Variants in SON observed in about 807,000 individuals in gnomAD.
The protein encoded by SON is protein SON.
Under a neutral mutation model 173.3 loss-of-function variants are expected in SON, and 4 were observed. The ratio of observed to expected loss-of-function variants is 0.02; its 90% CI spans 0.01 to 0.05. The LOEUF (loss-of-function observed/expected upper bound fraction) is 0.05, where lower values mean the gene tolerates loss of function less well. Among genes scored for constraint, SON ranks in the 10% least tolerant of loss-of-function variants. The pLI is 1.00. For synonymous variants in SON, 1,190 were observed against 1,105.9 expected (o/e 1.08, Z -1.51); for missense variants, 2,626 against 3,055.3 (o/e 0.86, Z 3.31).
chr21:33,551,206 G>T lies in SON; in HGVS notation c.1975G>T (p.Val659Leu), dbSNP rs752336073. The T allele has an allele frequency of 2.4e-5, 38 of 1,614,012 alleles. No homozygotes were observed. The highest frequency in any genetic ancestry group is 3.2e-5 in the Non-Finnish European group (38 of 1,180,004). Residue 659 changes from valine (V) to leucine (L), a missense_variant, in exon 3 of 12, where the codon GTG becomes TTG. Physicochemically the swap from Val to Leu is conservative, Grantham distance 32. Around this residue, in one of 13 missense-constraint regions of SON, gnomAD observed 182 missense variants for 193.6 expected, o/e 0.94. Transcript: ENST00000356577. ...GCTGGAGATCTCTGTTCAGTCTGTGGTGACAACATCGGAGCTGTCAACGAT... is the reference window on the plus strand; with the variant it reads ...GCTGGAGATCTCTGTTCAGTCTGTGTTGACAACATCGGAGCTGTCAACGAT... ...VALEISVQSV[V>L]TTSELSTMTV... is the part of the protein sequence containing the mutation.
In SON at chr21:33,559,606, C is replaced by G. The variant is rs201256400; in HGVS notation, c.6488C>G (p.Thr2163Ser). The G allele has an allele frequency of 8.7e-6, 14 of 1,610,390 alleles. No individual in the cohort carries two copies. The highest frequency in any genetic ancestry group is 1.3e-5 in the African/African-American group (1 of 74,676). ...FNLNIAAAKP[T>S]PPKSQVTLTK... is the part of the protein sequence containing the mutation. ...TTTTAGATTGCTGCAGCAAAACCAA[C>G]TCCACCAAAAAGCCAGGTAACATTA... Residue 2163 changes from threonine (T) to serine (S), a missense_variant, in exon 6 of 12, where the codon ACT becomes AGT. This residue lies in a region of SON where 75 missense variants were observed against 201.6 expected (regional missense o/e 0.37). Coordinates refer to ENST00000356577, the MANE Select transcript of SON (RefSeq NM_138927.4). This position sits in a 1 kb window ranked among gnomAD's most constrained non-coding sequence, Gnocchi z 4.1.
chr21:33,573,240 A>C (rs1001117017), intron 8 of SON, 68 bp from the exon 9 acceptor site: 4 of 1,320,586 alleles, frequency 3.0e-6, no homozygotes, highest in South Asian at 2.6e-5. Context: ...TTTAGAAAGT[A>C]AACAATGAAT....
At chr21:33,556,711 CAAA>C (rs375685900) in intron 3 of SON, among the ~76,000 whole-genome samples, 16 of 102,626 alleles carry the variant, frequency 1.6e-4, no homozygotes, top group South Asian at 3.1e-4. Context: ...GAGACTGTCT[CAAA>C]AAAAAAAAAA....
chr21:33,561,334 G>A (rs1392287940), intron 6 of SON, among the ~76,000 whole-genome samples: 2 of 152,148 alleles, frequency 1.3e-5, no homozygotes, highest in African/African-American at 2.4e-5. Flanking sequence ...TAATCTTCTT[G>A]TAGTAGCTGA....
intron 1 of SON, among the ~76,000 whole-genome samples, chr21:33,544,960 G>A (rs1485563152): frequency 6.6e-6 from 1 of 152,134 alleles, no homozygotes; most frequent in Non-Finnish European, 1.5e-5. Context: ...CACATAATGC[G>A]TTATCAGTCT....
chr21:33,551,223 G>T lies in SON; in HGVS notation c.1992G>T (p.Leu664=). 1.9e-6 allele frequency: 3 copies of T among 1,614,168 alleles called. No individual in the cohort carries two copies. In the South Asian group the frequency reaches 3.3e-5, roughly 18 times the overall value. Residue 664 remains leucine (L), a synonymous_variant, in exon 3 of 12, where the codon CTG becomes CTT. Transcript: ENST00000356577. ...SVQSVVTTSE[L]STMTVSQSLE... is the part of the protein sequence containing the mutation. ...AGTCTGTGGTGACAACATCGGAGCT[G>T]TCAACGATGACCGTGTCGCAGTCCC...
At chr21:33,543,198 C>T (rs925782484) in intron 1 of SON, 29 bp downstream of exon 1, 8 of 1,570,046 alleles carry the variant, frequency 5.1e-6, no homozygotes, top group Non-Finnish European at 7.0e-6. Flanking sequence ...CTTCTGCTCC[C>T]AACGGACCGT....
Position 33,549,983 on chromosome 21 carries a change from C to T in SON, c.752C>T (p.Pro251Leu). 1 of 1,614,104 alleles carries T rather than the reference C, an allele frequency of 6.2e-7. No homozygotes were observed. The highest frequency in any genetic ancestry group is 8.5e-7 in the Non-Finnish European group (1 of 1,180,016). The stretch of plus-strand genomic sequence containing the variant: ...GATTCCTTTGCAGCAGCACCAGTGC[C>T]TACTACAACACTGGTGTTGAAGTCA... Reference protein sequence around the residue: ...ILDSFAAAPVPTTTLVLKSSE... With the variant: ...ILDSFAAAPVLTTTLVLKSSE... The change falls in exon 3 of 12, where the codon CCT becomes CTT. Residue 251 changes from proline (P) to leucine (L), a missense_variant. By Grantham distance (98) the Pro-to-Leu change is moderately conservative. Coordinates refer to ENST00000356577, the MANE Select transcript of SON (RefSeq NM_138927.4).
intron 8 of SON, among the ~76,000 whole-genome samples, chr21:33,570,837 A>C (rs2086268512): frequency 6.6e-6 from 1 of 152,214 alleles, no homozygotes; most frequent in South Asian, 2.1e-4. Context: ...ATGTGCTTCC[A>C]TTACAAAATT....
intron 4 of SON, chr21:33,557,693 GAC>G: frequency 6.9e-7 from 1 of 1,454,994 alleles, no homozygotes; most frequent in East Asian, 2.5e-5. Context: ...TATACGCAAA[GAC>G]ACAGACAATC....
rs371258902 is a variant in SON, at chr21:33,551,908, G to A, written c.2677G>A (p.Ala893Thr). ...AQMLASGTMD[A>T]QMLASSTQDS... The stretch of plus-strand genomic sequence containing the variant: ...GATGTTAGCGTCTGGTACCATGGAT[G>A]CCCAGATGTTAGCGTCTAGTACCCA... Residue 893 changes from alanine (A) to threonine (T), a missense_variant, in exon 3 of 12, where the codon GCC becomes ACC. Physicochemically the swap from Ala to Thr is moderately conservative, Grantham distance 58. Transcript: ENST00000356577. 14 of 1,613,670 alleles carry A rather than the reference G, an allele frequency of 8.7e-6. No homozygotes were observed. Among genetic ancestry groups the A allele is most frequent in the Non-Finnish European group, 1.2e-5 (14 of 1,179,762 alleles).
intron 11 of SON, among the ~76,000 whole-genome samples, chr21:33,576,159 C>T (rs535197461): frequency 1.1e-4 from 16 of 147,578 alleles, no homozygotes; most frequent in African/African-American, 3.8e-4. Context: ...ATACTTTTGT[C>T]AGTCTTTTTC....
chr21:33,552,595 C>A lies in SON; in HGVS notation c.3364C>A (p.Arg1122Ser), dbSNP rs767697655. ...TATGATGTCATCTTATACTGCTGATCGTTCAATGATGTCTATGGCTGCTGA... is the reference window on the plus strand; with the variant it reads ...TATGATGTCATCTTATACTGCTGATAGTTCAATGATGTCTATGGCTGCTGA... ...RSMMSSYTADRSMMSMAADSY... is the reference protein window; with the variant it reads ...RSMMSSYTADSSMMSMAADSY... The change falls in exon 3 of 12, where the codon CGT becomes AGT. Residue 1122 changes from arginine to serine, a missense_variant. Transcript: ENST00000356577. This position sits in a 1 kb window ranked among gnomAD's most constrained non-coding sequence, Gnocchi z 5.6. The A allele has an allele frequency of 1.2e-6, 2 of 1,613,978 alleles. No homozygotes were observed. Among genetic ancestry groups the A allele is most frequent in the East Asian group, 2.2e-5 (1 of 44,902 alleles).
chr21:33,574,307 A>C (rs1021226912), intron 9 of SON, among the ~76,000 whole-genome samples: 2 of 152,226 alleles, frequency 1.3e-5, no homozygotes, highest in Non-Finnish European at 2.9e-5. Flanking sequence ...AGCTAACTTC[A>C]ATAGTTAAAC....
At position 33,553,378 on chromosome 21, in the gene SON, G is replaced by C. The variant is rs1033815129; in HGVS notation, c.4147G>C (p.Val1383Leu). The change falls in exon 3 of 12, where the codon GTC (valine) becomes CTC (leucine). Residue 1383 changes from valine to leucine, a missense_variant. Physicochemically the swap from Val to Leu is conservative, Grantham distance 32. Around this residue, in one of 13 missense-constraint regions of SON, gnomAD observed 1,006 missense variants for 895.6 expected, o/e 1.12. Coordinates refer to ENST00000356577, the MANE Select transcript of SON (RefSeq NM_138927.4). The stretch of plus-strand genomic sequence containing the variant: ...TGTCCTGGAGTCTTCGACTGTAACT[G>C]TCCTGGAGCCTTCGGTTGTGACTGT... ...VTVLESSTVT[V>L]LEPSVVTVPE... is the part of the protein sequence containing the mutation. The C allele has an allele frequency of 1.2e-6, 2 of 1,613,998 alleles. No individual in the cohort carries two copies. Among genetic ancestry groups the C allele is most frequent in the Non-Finnish European group, 1.7e-6 (2 of 1,179,888 alleles).
At chr21:33,557,110 G>C in intron 3 of SON, 46 bp from the exon 4 acceptor site, 1 of 1,565,816 alleles carries the variant, frequency 6.4e-7, no homozygotes, top group Non-Finnish European at 8.7e-7. Flanking sequence ...AATACAAAAT[G>C]TACAGTCTTT....
At chr21:33,570,197 T>C (rs1226776070) in intron 8 of SON, 1 of 152,262 alleles carries the variant, frequency 6.6e-6, no homozygotes, top group Non-Finnish European at 1.5e-5. Flanking sequence ...TGTGTAATCA[T>C]GGGCAAGTAA....
At chr21:33,567,064 G>C (rs2086189165) in intron 6 of SON, 93 bp from the exon 7 acceptor site, 1 of 636,076 alleles carries the variant, frequency 1.6e-6, no homozygotes, top group Non-Finnish European at 2.8e-6. Context: ...CTATTATTTT[G>C]TTTTTGATAT....
At chr21:33,562,432 T>C (rs1204200451) in intron 6 of SON, among the ~76,000 whole-genome samples, 1 of 152,192 alleles carries the variant, frequency 6.6e-6, no homozygotes, top group Non-Finnish European at 1.5e-5. Context: ...TTCTTTGTTG[T>C]TGAGCATAAA....
Sources: gnomAD v4.1 joint callset for allele counts (sites outside exome capture counted in the v4.1 genomes callset) on GRCh38, gnomAD v4.1.1 for gene constraint, gnomAD v4.1.1 regional missense constraint, Gnocchi (gnomAD v3.1) non-coding constraint, MANE v1.5 for transcripts, NCBI Gene and HGNC (gene_info 2026-07-23, HGNC 2026-07-21) for gene names.